The following PCDHGB2 variants were observed in gnomAD, a reference collection of about 807,000 sequenced individuals.
The protein encoded by PCDHGB2 is protocadherin gamma-B2.
PCDHGB2 carries 55 observed loss-of-function variants against 59.3 expected under a neutral mutation model. That is an observed-to-expected ratio of 0.93 (90% CI 0.75 to 1.16). PCDHGB2 has a LOEUF of 1.16. PCDHGB2 is among the 50% of genes most tolerant of loss of function. PCDHGB2 has a pLI of 0.00. For synonymous variants in PCDHGB2, 516 were observed against 512.0 expected (o/e 1.01, Z -0.11); for missense variants, 1,228 against 1,198.5 (o/e 1.02, Z -0.36).
At position 141,372,017 on chromosome 5, in the gene PCDHGB2, G is replaced by A. The variant is rs1404745183; in HGVS notation, c.2421+9461G>A. Reference sequence around the variant, plus strand: ...AGGCCCGCGACCAGGGCTCGCCTACGCTCAGCGCCAACGTGAGCCTGCGCG... The same window carrying A: ...AGGCCCGCGACCAGGGCTCGCCTACACTCAGCGCCAACGTGAGCCTGCGCG... On this transcript the variant is annotated intron_variant, in intron 1 of 3. Coordinates refer to ENST00000522605, the MANE Select transcript of PCDHGB2 (RefSeq NM_018923.3). The A allele has an allele frequency of 4.3e-6, 7 of 1,613,220 alleles. No homozygotes were observed. The African/African-American group carries it at 9.3e-5, about 22-fold the overall frequency.
chr5:141,372,472 T>C (rs1768797135), intron 1 of PCDHGB2: 8 of 1,614,034 alleles, frequency 5.0e-6, no homozygotes, highest in African/African-American at 1.3e-5. Flanking sequence ...TTTCACCTAG[T>C]AGTGGCGTTG....
At position 141,485,576 on chromosome 5, in the gene PCDHGB2, C is replaced by A; in HGVS notation, c.2422-9231C>A. 1 of 1,612,412 alleles carries A rather than the reference C, an allele frequency of 6.2e-7. No individual in the cohort carries two copies. The highest frequency in any genetic ancestry group is 8.5e-7 in the Non-Finnish European group (1 of 1,178,628). On this transcript the variant is annotated intron_variant, in intron 1 of 3. Transcript: ENST00000522605. The surrounding 1 kb of genome is among the most constrained non-coding windows in gnomAD (Gnocchi z 5.7). ...GAATGATCACGCCCCCCGTTTTCCGCGGCAGCAGCTGGACTTGGAAATTGG... is the reference window on the plus strand; with the variant it reads ...GAATGATCACGCCCCCCGTTTTCCGAGGCAGCAGCTGGACTTGGAAATTGG...
At chr5:141,395,374 T>A in intron 1 of PCDHGB2, 1 of 1,187,898 alleles carries the variant, frequency 8.4e-7, no homozygotes. Context: ...ATTTTGGTGG[T>A]GTTACTATAA....
At position 141,432,898 on chromosome 5, in the gene PCDHGB2, G is replaced by C. The variant is rs746913952; in HGVS notation, c.2422-61909G>C. ...TGGCCTTCGTCATCTTGCTGCTGGC[G>C]CTCAGGCTGCGGCGCTGGCACAAGT... On this transcript the variant is annotated intron_variant, in intron 1 of 3. Coordinates refer to ENST00000522605, the MANE Select transcript of PCDHGB2 (RefSeq NM_018923.3). The surrounding 1 kb of genome is among the most constrained non-coding windows in gnomAD (Gnocchi z 6.0). 28 of 1,614,056 alleles carry C rather than the reference G, an allele frequency of 1.7e-5. No individual in the cohort carries two copies. In the African/African-American group the frequency reaches 2.4e-4, roughly 14 times the overall value.
intron 1 of PCDHGB2, chr5:141,419,303 G>A (rs1561779463): frequency 1.2e-6 from 2 of 1,613,970 alleles, no homozygotes; most frequent in Non-Finnish European, 1.7e-6. Flanking sequence ...CCCAGACTTC[G>A]GGCTCAACGG....
rs754610588 is a variant in PCDHGB2, at chr5:141,384,105, T to C, written c.2421+21549T>C. 31 of 1,601,620 alleles carry C rather than the reference T, an allele frequency of 1.9e-5. No individual in the cohort carries two copies. The East Asian group carries it at 2.5e-4, about 13-fold the overall frequency. ...TAGAAAAATCAATAGATAATTATTA[T>C]AGATTGGTCACAACCAAAAACTTGG... On this transcript the variant is annotated intron_variant, in intron 1 of 3. Transcript: ENST00000522605.
At chr5:141,400,003 C>G (rs2093938557) in intron 1 of PCDHGB2, 1 of 1,612,278 alleles carries the variant, frequency 6.2e-7, no homozygotes, top group Non-Finnish European at 8.5e-7. Context: ...GCGCACAGCG[C>G]GTGCCTTGGG....
At position 141,404,162 on chromosome 5, in the gene PCDHGB2, T is replaced by C. The variant is rs768188662; in HGVS notation, c.2421+41606T>C. The C allele has an allele frequency of 2.0e-5, 33 of 1,613,076 alleles. No homozygotes were observed. In the East Asian group the frequency reaches 7.4e-4, roughly 36 times the overall value. ...AAATTCAGAAGAAGATTATTACAGA[T>C]TGTTGACGGCCCAAATTCTTGACCG... On this transcript the variant is annotated intron_variant, in intron 1 of 3. Transcript: ENST00000522605.
At chr5:141,433,208 C>T (rs780155661) in intron 1 of PCDHGB2, 90 of 1,293,816 alleles carry the variant, frequency 7.0e-5, no homozygotes, top group Middle Eastern at 5.9e-4. Flanking sequence ...AATCTTCTTT[C>T]TTTTTTTTTT....
At chr5:141,484,916 CCTG>C (rs34524370) in intron 1 of PCDHGB2, 64,782 of 456,708 alleles carry the variant, frequency 0.14, 4,878 homozygotes, top group African/African-American at 0.18. Context: ...ACGCATTAAC[CCTG>C]CTGCTGTTGG....
At chr5:141,426,021 A>G (rs1590662256) in intron 1 of PCDHGB2, among the ~76,000 whole-genome samples, 2 of 152,312 alleles carry the variant, frequency 1.3e-5, no homozygotes, top group East Asian at 3.9e-4. Context: ...AGTTTTCTAA[A>G]TAGACTCAGA....
rs371490086 is a variant in PCDHGB2 at position 141,405,329 on chromosome 5, G to A, written c.2421+42773G>A. 241 of 1,614,168 alleles carry A rather than the reference G, an allele frequency of 1.5e-4. No individual in the cohort carries two copies. Among genetic ancestry groups the A allele is most frequent in the African/African-American group, 1.1e-3 (80 of 75,034 alleles). The stretch of plus-strand genomic sequence containing the variant: ...CTGTGAGAAAAATGAGCCTTTGTGC[G>A]TCTCTGTTGATTCCAAGTTTCCTAT... On this transcript the variant is annotated intron_variant, in intron 1 of 3. Coordinates refer to ENST00000522605, the MANE Select transcript of PCDHGB2 (RefSeq NM_018923.3).
At chr5:141,382,059 C>T (rs1480800714) in intron 1 of PCDHGB2, among the ~76,000 whole-genome samples, 1 of 151,960 alleles carries the variant, frequency 6.6e-6, no homozygotes, top group South Asian at 2.1e-4. Context: ...AAGCTCCCGA[C>T]CTCAGGTGAT....
At chr5:141,472,849 G>C (rs966051912) in intron 1 of PCDHGB2, among the ~76,000 whole-genome samples, 1 of 151,340 alleles carries the variant, frequency 6.6e-6, no homozygotes, top group East Asian at 2.0e-4. Flanking sequence ...AGCTGGGCAT[G>C]GTGGCACATG....
chr5:141,418,987 A>AG (rs781016682), intron 1 of PCDHGB2: 1 of 1,613,974 alleles, frequency 6.2e-7, no homozygotes, highest in South Asian at 1.1e-5. Context: ...ACCAAGACTC[A>AG]GGGGAAAATG....
intron 1 of PCDHGB2, chr5:141,375,948 A>G (rs773530247): frequency 2.5e-6 from 4 of 1,613,438 alleles, no homozygotes; most frequent in Non-Finnish European, 2.5e-6. Context: ...GTGGGCCTGC[A>G]CACGGGCGAG....
At chr5:141,420,228 G>C (rs750839002) in intron 1 of PCDHGB2, 3 of 1,603,310 alleles carry the variant, frequency 1.9e-6, no homozygotes, top group Non-Finnish European at 2.6e-6. Flanking sequence ...CTACTGGCTA[G>C]CATTTTAACT....
chr5:141,429,741 C>T (rs2097240604), intron 1 of PCDHGB2, among the ~76,000 whole-genome samples: 1 of 152,106 alleles, frequency 6.6e-6, no homozygotes, highest in Admixed American at 6.5e-5. Flanking sequence ...CCAGTTATTT[C>T]TTAGGGAGAA....
Position 141,361,192 on chromosome 5 carries a change from T to A in PCDHGB2, c.1057T>A (p.Ser353Thr). The A allele has an allele frequency of 6.2e-7, 1 of 1,613,978 alleles. No individual in the cohort carries two copies. Among genetic ancestry groups the A allele is most frequent in the Non-Finnish European group, 8.5e-7 (1 of 1,179,896 alleles). The change falls in exon 1 of 4, where the codon TCT becomes ACT. Residue 353 changes from serine to threonine, a missense_variant. Ser to Thr is a moderately conservative substitution (Grantham distance 58, BLOSUM62 1). This residue lies in a region of PCDHGB2 where 781 missense variants were observed against 721.6 expected (regional missense o/e 1.08). Transcript: ENST00000522605. ...ACCTGAAGTTATTGTGACTTCAGTA[T>A]CTACTCCCCTACCGGAGGATTCGCC... ...CAPEVIVTSVSTPLPEDSPPG... is the reference protein window; with the variant it reads ...CAPEVIVTSVTTPLPEDSPPG...
Sources: allele counts gnomAD v4.1 joint callset (sites outside exome capture counted in the v4.1 genomes callset), GRCh38; gene constraint gnomAD v4.1.1; regional missense constraint gnomAD v4.1.1; non-coding constraint Gnocchi (gnomAD v3.1); transcripts MANE v1.5; gene names NCBI Gene and HGNC (gene_info 2026-07-23, HGNC 2026-07-21).